The following PLEKHG1 variants were observed in gnomAD, a reference collection of about 807,000 sequenced individuals.
The protein encoded by PLEKHG1 is pleckstrin homology and RhoGEF domain containing G1.
PLEKHG1 carries 44 observed loss-of-function variants against 100.8 expected under a neutral mutation model. The observed-to-expected ratio is 0.44, with a 90% CI of 0.34 to 0.56. The LOEUF (loss-of-function observed/expected upper bound fraction) is 0.56, where lower values mean the gene tolerates loss of function less well. Among genes scored for constraint, PLEKHG1 ranks in the 20% least tolerant of loss-of-function variants. The probability of loss-of-function intolerance (pLI) is 0.01; values close to 1 mark genes in which losing one functional copy is unlikely to be tolerated. For missense variants in PLEKHG1, 1,545 were observed against 1,720.9 expected, an observed-to-expected ratio of 0.90 and a Z score of 1.81; for synonymous variants, 640 against 662.5, an observed-to-expected ratio of 0.97 and a Z score of 0.52.
At chr6:150,677,638 G>A (rs1779805213) in intron 3 of PLEKHG1, among the ~76,000 whole-genome samples, 1 of 152,082 alleles carries the variant, frequency 6.6e-6, no homozygotes, top group Non-Finnish European at 1.5e-5. Flanking sequence ...GGGAAGCTGA[G>A]GCAAGAGGAT....
intron 1 of PLEKHG1, among the ~76,000 whole-genome samples, chr6:150,730,238 C>G (rs1450832762): frequency 6.7e-6 from 1 of 150,050 alleles, no homozygotes; most frequent in Non-Finnish European, 1.5e-5. Flanking sequence ...AGGGGGTAGA[C>G]CTTTCCAGAT....
chr6:150,818,137 GA>G (rs575461940), intron 10 of PLEKHG1, 45 bp from the exon 12 acceptor site: 296 of 1,485,178 alleles, frequency 2.0e-4, no homozygotes, highest in South Asian at 2.8e-4. Context: ...GGAGTTTAAA[GA>G]AAAAAAAAGC....
chr6:150,748,605 T>C (rs1307471932), intron 2 of PLEKHG1, among the ~76,000 whole-genome samples: 3 of 148,044 alleles, frequency 2.0e-5, no homozygotes, highest in African/African-American at 7.5e-5. Flanking sequence ...TCTCACTTAC[T>C]ACCTTTGACC....
intron 3 of PLEKHG1, among the ~76,000 whole-genome samples, chr6:150,686,376 T>C (rs891500184): frequency 6.6e-6 from 1 of 152,230 alleles, no homozygotes; most frequent in Non-Finnish European, 1.5e-5. Context: ...ATGTAGAAGA[T>C]GGTTCTCTTT....
At chr6:150,772,590 G>A (rs999163422) in intron 3 of PLEKHG1, among the ~76,000 whole-genome samples, 1 of 152,206 alleles carries the variant, frequency 6.6e-6, no homozygotes, top group African/African-American at 2.4e-5. Context: ...CTGCTCTCCA[G>A]CCTGGGCAAC....
chr6:150,830,596 A>G, exon 15 of PLEKHG1: 1 of 1,592,566 alleles, frequency 6.3e-7, no homozygotes, highest in Non-Finnish European at 8.6e-7. Context: ...CTAGAGAGGA[A>G]GGATCTCCCC....
At chr6:150,746,705 T>C (rs200846501) in intron 2 of PLEKHG1, among the ~76,000 whole-genome samples, 1 of 152,272 alleles carries the variant, frequency 6.6e-6, no homozygotes, top group East Asian at 1.9e-4. Context: ...GCATTTGCTA[T>C]GAATGTGAAA....
upstream of PLEKHG1, among the ~76,000 whole-genome samples, chr6:150,718,594 C>T (rs922041834): frequency 9.9e-5 from 15 of 151,814 alleles, no homozygotes; most frequent in African/African-American, 3.4e-4. Flanking sequence ...CTCAGCCTCC[C>T]GAGTAGCTGG....
exon 9 of PLEKHG1, chr6:150,809,408 A>T (rs1314899036): frequency 6.2e-7 from 1 of 1,613,720 alleles, no homozygotes; most frequent in African/African-American, 1.3e-5. Flanking sequence ...TGTGGAGGTG[A>T]TTCCAAAAGA....
At chr6:150,830,309 T>C (rs538896667) in intron 14 of PLEKHG1, among the ~76,000 whole-genome samples, 1 of 152,202 alleles carries the variant, frequency 6.6e-6, no homozygotes, top group African/African-American at 2.4e-5. Flanking sequence ...TTTGAAAATA[T>C]CTGAAGTGCT....
chr6:150,652,594 C>T (rs1229277782), intron 3 of PLEKHG1, among the ~76,000 whole-genome samples: 1 of 151,934 alleles, frequency 6.6e-6, no homozygotes, highest in Non-Finnish European at 1.5e-5. Context: ...GTGGCTCATG[C>T]CTGTAATCCC....
intron 3 of PLEKHG1, among the ~76,000 whole-genome samples, chr6:150,785,679 A>G (rs900326857): frequency 3.3e-5 from 5 of 152,054 alleles, no homozygotes; most frequent in African/African-American, 1.2e-4. Flanking sequence ...AATGGATTGG[A>G]AGCTCCATAA....
chr6:150,705,698 T>C (rs1780977039), intron 3 of PLEKHG1, among the ~76,000 whole-genome samples: 1 of 152,228 alleles, frequency 6.6e-6, no homozygotes, highest in Non-Finnish European at 1.5e-5. Flanking sequence ...TTGGTTTTGT[T>C]TTTCTATCCC....
chr6:150,777,262 G>A (rs1026395364), intron 3 of PLEKHG1, among the ~76,000 whole-genome samples: 1 of 146,168 alleles, frequency 6.8e-6, no homozygotes, highest in Non-Finnish European at 1.5e-5. Context: ...TGCAATCCTG[G>A]TGCACATGTG....
chr6:150,649,356 T>C (rs9384572), intron 2 of PLEKHG1, among the ~76,000 whole-genome samples: 21,224 of 152,238 alleles, frequency 0.14, 1,556 homozygotes, highest in South Asian at 0.21. Flanking sequence ...ATTTTTATAA[T>C]AATAATAATT....
intron 3 of PLEKHG1, among the ~76,000 whole-genome samples, chr6:150,653,327 G>A (rs1468561638): frequency 6.6e-6 from 1 of 151,978 alleles, no homozygotes; most frequent in Non-Finnish European, 1.5e-5. Flanking sequence ...GGAGGAAGAG[G>A]CTCACAAAGG....
chr6:150,768,723 T>G, exon 3 of PLEKHG1: 1 of 1,580,602 alleles, frequency 6.3e-7, no homozygotes, highest in South Asian at 1.1e-5. Context: ...ATACAGGATA[T>G]CTACCACTTC....
rs571302668 is a variant in PLEKHG1 at position 150,603,053 on chromosome 6, A to G, written c.-204+3036A>G. 2.1e-4 allele frequency among the ~76,000 whole-genome samples: 26 copies of G among 124,214 alleles called. 1 individual carries two copies. The South Asian group carries it at 5.1e-3, about 24-fold the overall frequency. The allele number at this position is 124,214 out of a possible 152,430, so 81.5% of individuals were successfully genotyped here. ...GCCGAGATCGCGCCACTGCACTCCA[A>G]CCTGGGCGACAGCGAGACTCCGTCT... is the stretch of plus-strand genomic sequence containing the variant. On this transcript the variant is annotated intron_variant, in intron 1 of 3. Transcript: ENST00000367326.
intron 3 of PLEKHG1, among the ~76,000 whole-genome samples, chr6:150,679,045 A>G (rs915368701): frequency 6.6e-6 from 1 of 152,260 alleles, no homozygotes; most frequent in Non-Finnish European, 1.5e-5. Flanking sequence ...GCAATTTTCT[A>G]CAAAATCAAA....
Sources: gnomAD v4.1 joint callset for allele counts (sites outside exome capture counted in the v4.1 genomes callset) on GRCh38, gnomAD v4.1.1 for gene constraint, MANE v1.5 for transcripts, NCBI Gene and HGNC (gene_info 2026-07-23, HGNC 2026-07-21) for gene names.